Variants in ETV3L observed in about 807,000 individuals in gnomAD.
ETV3L encodes ETS variant transcription factor 3 like.
A neutral mutation model predicts 27.6 loss-of-function variants in ETV3L; 30 were observed. That is an observed-to-expected ratio of 1.09 (90% CI 0.81 to 1.48). ETV3L has a LOEUF of 1.48. ETV3L is among the 40% of genes most tolerant of loss of function. The pLI is 0.00. For synonymous variants in ETV3L, 186 were observed against 188.9 expected (o/e 0.98, Z 0.12); for missense variants, 443 against 455.6 (o/e 0.97, Z 0.25).
chr1:157,098,629 G>A (rs1486975348), intron 3 of ETV3L, 77 bp downstream of exon 3: 8 of 1,358,654 alleles, frequency 5.9e-6, no homozygotes, highest in African/African-American at 4.4e-5. Flanking sequence ...CAGAGGCAAA[G>A]AGGAGGGTGG....
chr1:157,095,790 G>A (rs1674208280), intron 4 of ETV3L, among the ~76,000 whole-genome samples: 2 of 152,148 alleles, frequency 1.3e-5, no homozygotes. Context: ...TGCACTCCCA[G>A]GGGTGCAGAG....
intron 3 of ETV3L, among the ~76,000 whole-genome samples, chr1:157,098,200 G>T (rs561465015): frequency 5.1e-4 from 78 of 152,048 alleles, no homozygotes; most frequent in Non-Finnish European, 7.7e-4. Context: ...GGGTTCAAGC[G>T]ATTCTCCTGC....
intron 4 of ETV3L, among the ~76,000 whole-genome samples, chr1:157,096,547 A>T (rs1674223894): frequency 6.6e-6 from 1 of 152,114 alleles, no homozygotes; most frequent in Non-Finnish European, 1.5e-5. Context: ...TCTCCTGCCT[A>T]GATTATCTTC....
rs1674305295 is a variant in ETV3L, at chr1:157,099,683, A to C, written c.-160T>G. ...AGAGGGTCAGGAAAGAAAGAGAGAA[A>C]AGGGAAGGGACAAGAGGTTGCCAGT... On this transcript the variant is annotated 5_prime_UTR_variant, in exon 1 of 5. Transcript: ENST00000454449. 6 of 670,858 alleles carry C rather than the reference A, an allele frequency of 8.9e-6. No homozygotes were observed. The highest frequency in any genetic ancestry group is 1.8e-5 in the African/African-American group (1 of 55,372). 41.6% of individuals were successfully genotyped at this position (670,858 alleles called of 1,614,324 possible). A position where few individuals can be genotyped will look rare whatever the true frequency, so the allele number is the denominator to read the frequency against.
chr1:157,093,022 G>C lies in ETV3L; in HGVS notation c.713C>G (p.Pro238Arg). The C allele has an allele frequency of 1.2e-6, 2 of 1,600,158 alleles. No homozygotes were observed. The highest frequency in any genetic ancestry group is 1.7e-5 in the Admixed American group (1 of 58,196). Residue 238 changes from proline to arginine, a missense_variant, in exon 5 of 5, where the codon CCC becomes CGC. Transcript: ENST00000454449. ...GVASFTPPLPPPLPSNWTCLS... is the reference protein window; with the variant it reads ...GVASFTPPLPRPLPSNWTCLS... ...ACAGGTCCAGTTGGAGGGCAGAGGG[G>C]GCGGGAGGGGAGGAGTGAAGGAGGC...
In ETV3L at chr1:157,098,898, G is replaced by T; in HGVS notation, c.297-3C>A. The T allele has an allele frequency of 6.2e-7, 1 of 1,607,362 alleles. No individual in the cohort carries two copies. The highest frequency in any genetic ancestry group is 8.5e-7 in the Non-Finnish European group (1 of 1,176,648). On this transcript the variant is annotated splice_polypyrimidine_tract_variant and splice_region_variant and intron_variant, in intron 2 of 4. Transcript: ENST00000454449. ...GGATCCTCTTATTGTAGTAATATCTGGAGAATTCGAAGTTGAGAATAGAGT... is the reference window on the plus strand; with the variant it reads ...GGATCCTCTTATTGTAGTAATATCTTGAGAATTCGAAGTTGAGAATAGAGT...
intron 4 of ETV3L, among the ~76,000 whole-genome samples, chr1:157,093,620 T>C (rs1220373021): frequency 6.6e-6 from 1 of 151,912 alleles, no homozygotes; most frequent in Non-Finnish European, 1.5e-5. Context: ...GCCTCTCGAG[T>C]AGCTGAGACT....
At chr1:157,097,783 GC>G in intron 4 of ETV3L, 84 bp downstream of exon 4, 47 of 1,518,392 alleles carry the variant, frequency 3.1e-5, no homozygotes, top group Non-Finnish European at 4.2e-5. Context: ...CTTGTCTCAT[GC>G]CCCCTCAGCC....
Position 157,098,745 on chromosome 1 carries a change from C to T in ETV3L, c.447G>A (p.Leu149=), listed in dbSNP as rs769453836. Residue 149 remains leucine, a synonymous_variant, in exon 3 of 5, where the codon CTG becomes CTA. Coordinates refer to ENST00000454449, the MANE Select transcript of ETV3L (RefSeq NM_001004341.2). ...CCACGGGCACCAGCGCTGGCCGACA[C>T]AGGGCAGGGGCCCCCAGCAGCAAGT... The part of the protein sequence containing the change: ...SPHLLLGAPA[L]CRPALVPVGV... 5 of 1,612,246 alleles carry T rather than the reference C, an allele frequency of 3.1e-6. No homozygotes were observed. In the East Asian group the frequency reaches 8.9e-5, roughly 29 times the overall value.
intron 4 of ETV3L, 148 bp from the exon 5 acceptor site, chr1:157,093,275 TGAGA>T (rs1261929524): frequency 5.4e-6 from 3 of 560,294 alleles, no homozygotes; most frequent in African/African-American, 1.9e-5. Context: ...CTTATTTTTT[TGAGA>T]GAGAGTCTCT....
At chr1:157,098,026 C>CT (rs925710762) in intron 3 of ETV3L, 38 bp from the exon 4 acceptor site, 1 of 1,561,970 alleles carries the variant, frequency 6.4e-7, no homozygotes, top group African/African-American at 1.4e-5. Context: ...GTGATGGGCT[C>CT]TCCTTGGCAT....
Position 157,093,024 on chromosome 1 carries a change from C to A in ETV3L, c.711G>T (p.Pro237=), listed in dbSNP as rs375949327. The change falls in exon 5 of 5, where the codon CCG becomes CCT. Residue 237 remains proline (P), a synonymous_variant. Coordinates refer to ENST00000454449, the MANE Select transcript of ETV3L (RefSeq NM_001004341.2). The part of the protein sequence containing the change: ...PGVASFTPPL[P]PPLPSNWTCL... ...AGGTCCAGTTGGAGGGCAGAGGGGG[C>A]GGGAGGGGAGGAGTGAAGGAGGCAA... is the stretch of plus-strand genomic sequence containing the variant. 10 of 1,596,398 alleles carry A rather than the reference C, an allele frequency of 6.3e-6. No homozygotes were observed. In the South Asian group the frequency reaches 6.8e-5, roughly 11 times the overall value.
At chr1:157,097,813 G>A in intron 4 of ETV3L, 55 bp downstream of exon 4, 1 of 1,606,502 alleles carries the variant, frequency 6.2e-7, no homozygotes. Flanking sequence ...AGCCAGGAGG[G>A]CCCTCCCTCC....
At chr1:157,094,745 T>C (rs1571679980) in intron 4 of ETV3L, among the ~76,000 whole-genome samples, 1 of 151,956 alleles carries the variant, frequency 6.6e-6, no homozygotes, top group South Asian at 2.1e-4. Context: ...AAACCCCGTC[T>C]CTACTAAAAA....
chr1:157,093,782 C>T (rs545097262), intron 4 of ETV3L, among the ~76,000 whole-genome samples: 109 of 152,244 alleles, frequency 7.2e-4, no homozygotes, highest in Non-Finnish European at 1.1e-3. Flanking sequence ...CATGAGCCAC[C>T]GCGCACAGCT....
intron 4 of ETV3L, among the ~76,000 whole-genome samples, chr1:157,095,190 A>G (rs776638430): frequency 3.3e-5 from 5 of 152,012 alleles, no homozygotes; most frequent in Non-Finnish European, 5.9e-5. Flanking sequence ...AGATATTTTT[A>G]TTTCTAAGAG....
Position 157,092,785 on chromosome 1 carries a change from A to T in ETV3L, c.950T>A (p.Met317Lys), listed in dbSNP as rs1453904283. The T allele has an allele frequency of 1.9e-6, 3 of 1,614,068 alleles. No individual in the cohort carries two copies. The highest frequency in any genetic ancestry group is 1.7e-6 in the Non-Finnish European group (2 of 1,180,028). ...ATCCAGGCCTCCCTTTGCCTCCATC[A>T]TGGGAGCAGGCTTTACTTCCAGCCC... Reference protein sequence around the residue: ...PEGLEVKPAPMMEAKGGLDPR... With the variant: ...PEGLEVKPAPKMEAKGGLDPR... The change falls in exon 5 of 5, where the codon ATG becomes AAG. Residue 317 changes from methionine (M) to lysine (K), a missense_variant. Physicochemically the swap from Met to Lys is moderately conservative, Grantham distance 95. Transcript: ENST00000454449.
rs762590849 is a variant in ETV3L at position 157,098,759 on chromosome 1, C to T, written c.433G>A (p.Gly145Arg). The T allele has an allele frequency of 1.1e-5, 17 of 1,613,430 alleles. No individual in the cohort carries two copies. In the Admixed American group the frequency reaches 2.8e-4, roughly 27 times the overall value. ...GCTGGCCGACACAGGGCAGGGGCCC[C>T]CAGCAGCAAGTGGGGGGATGGCGGC... is the stretch of plus-strand genomic sequence containing the variant. Reference protein sequence around the residue: ...RAPPSPHLLLGAPALCRPALV... With the variant: ...RAPPSPHLLLRAPALCRPALV... Residue 145 changes from glycine to arginine, a missense_variant, in exon 3 of 5, where the codon GGG (glycine) becomes AGG (arginine). Physicochemically the swap from Gly to Arg is moderately radical, Grantham distance 125. Coordinates refer to ENST00000454449, the MANE Select transcript of ETV3L (RefSeq NM_001004341.2).
Position 157,092,931 on chromosome 1 carries a change from G to T in ETV3L, c.804C>A (p.Asp268Glu). 6.2e-7 allele frequency: 1 copy of T among 1,614,104 alleles called. No homozygotes were observed. ...EQQLPGAFKP[D>E]ILLPGPRSLP... Reference sequence around the variant, plus strand: ...GGCTCCTAGGTCCTGGGAGCAGGATGTCTGGCTTAAAAGCCCCTGGGAGCT... The same window carrying T: ...GGCTCCTAGGTCCTGGGAGCAGGATTTCTGGCTTAAAAGCCCCTGGGAGCT... Residue 268 changes from aspartate (D) to glutamate (E), a missense_variant, in exon 5 of 5, where the codon GAC (aspartate) becomes GAA (glutamate). Coordinates refer to ENST00000454449, the MANE Select transcript of ETV3L (RefSeq NM_001004341.2).
Sources: gnomAD v4.1 joint callset for allele counts (sites outside exome capture counted in the v4.1 genomes callset) on GRCh38, gnomAD v4.1.1 for gene constraint, MANE v1.5 for transcripts, NCBI Gene and HGNC (gene_info 2026-07-23, HGNC 2026-07-21) for gene names.